Variants in NRXN1 observed in about 807,000 individuals in gnomAD.
The protein encoded by NRXN1 is neurexin-1.
A neutral mutation model predicts 150.9 loss-of-function variants in NRXN1; 39 were observed. The observed-to-expected ratio is 0.26, with a 90% CI of 0.20 to 0.34. The LOEUF is 0.34. NRXN1 is among the 10% of genes least tolerant of loss of function. The probability of loss-of-function intolerance (pLI) is 1.00; values close to 1 mark genes in which losing one functional copy is unlikely to be tolerated. For missense variants in NRXN1, 1,815 were observed against 1,949.9 expected (o/e 0.93, Z 1.30); for synonymous variants, 924 against 757.0 (o/e 1.22, Z -3.62).
chr2:50,115,240 T>TATATATATATATAC (rs1270800103), intron 18 of NRXN1, among the ~76,000 whole-genome samples: 16 of 133,966 alleles, frequency 1.2e-4, no homozygotes, highest in African/African-American at 2.2e-4. Flanking sequence ...TATATATATA[T>TATATATATATATAC]ACACACACAC....
chr2:50,334,192 A>ATTTTATACATATATATATATATATAT (rs1553457970), intron 17 of NRXN1, among the ~76,000 whole-genome samples: 1 of 118,982 alleles, frequency 8.4e-6, no homozygotes, highest in Admixed American at 7.7e-5. Context: ...ACCAGGACCA[A>ATTTTATACATATATATATATATATAT]ATATATATAT....
chr2:49,998,457 TA>T (rs1683360130), intron 21 of NRXN1, among the ~76,000 whole-genome samples: 1 of 152,190 alleles, frequency 6.6e-6, no homozygotes, highest in Admixed American at 6.5e-5. Context: ...GGTTGCTTTT[TA>T]TATTTTTTTA....
At chr2:50,793,327 A>T (rs1706328287) in intron 5 of NRXN1, among the ~76,000 whole-genome samples, 1 of 152,106 alleles carries the variant, frequency 6.6e-6, no homozygotes, top group African/African-American at 2.4e-5. Flanking sequence ...GGGCTTATAA[A>T]CAAGTCTTCC....
chr2:50,367,045 A>G (rs993152871), intron 17 of NRXN1, among the ~76,000 whole-genome samples: 3 of 152,062 alleles, frequency 2.0e-5, no homozygotes, highest in Admixed American at 6.6e-5. Context: ...GGCGTCTGGG[A>G]GAGACATTTA....
At chr2:49,951,803 CTAAT>C (rs1343054745) in intron 21 of NRXN1, among the ~76,000 whole-genome samples, 1 of 151,858 alleles carries the variant, frequency 6.6e-6, no homozygotes, top group Non-Finnish European at 1.5e-5. Context: ...GATTGGTGGA[CTAAT>C]TAATAGATTA....
intron 19 of NRXN1, among the ~76,000 whole-genome samples, chr2:50,074,969 A>G (rs1288612365): frequency 6.6e-6 from 1 of 152,212 alleles, no homozygotes; most frequent in East Asian, 1.9e-4. Context: ...GGTAAAGTTC[A>G]CAGTGTGAAA....
intron 18 of NRXN1, among the ~76,000 whole-genome samples, chr2:50,176,779 C>G (rs940102512): frequency 3.3e-5 from 5 of 151,916 alleles, no homozygotes; most frequent in Admixed American, 3.3e-4. Context: ...AGCAATACAC[C>G]CCTGGTCTTC....
chr2:49,965,234 G>A (rs1230659110), intron 21 of NRXN1, among the ~76,000 whole-genome samples: 1 of 151,720 alleles, frequency 6.6e-6, no homozygotes, highest in Non-Finnish European at 1.5e-5. Flanking sequence ...TCTGCCTAAG[G>A]TTTCTAATTA....
At chr2:50,181,242 T>A (rs1574357175) in intron 18 of NRXN1, among the ~76,000 whole-genome samples, 3 of 151,520 alleles carry the variant, frequency 2.0e-5, no homozygotes, top group Non-Finnish European at 2.9e-5. Flanking sequence ...ATGGTGAGTT[T>A]AAAAAAAACC....
chr2:50,183,854 T>A (rs752565986), intron 18 of NRXN1, among the ~76,000 whole-genome samples: 1 of 151,922 alleles, frequency 6.6e-6, no homozygotes, highest in Non-Finnish European at 1.5e-5. Context: ...TTACAGACTT[T>A]CTAAACCATG....
intron 5 of NRXN1, among the ~76,000 whole-genome samples, chr2:50,815,935 T>G (rs1348856032): frequency 6.6e-6 from 1 of 152,130 alleles, no homozygotes; most frequent in Non-Finnish European, 1.5e-5. Context: ...GTAAATAAAT[T>G]AGCTCATATT....
intron 17 of NRXN1, among the ~76,000 whole-genome samples, chr2:50,424,142 A>AGGG (rs1414205919): frequency 3.7e-5 from 3 of 80,748 alleles, no homozygotes; most frequent in African/African-American, 1.4e-4. Flanking sequence ...GAGGAGGAGG[A>AGGG]GGGGGGGAGG....
intron 5 of NRXN1, among the ~76,000 whole-genome samples, chr2:50,758,429 CA>C (rs751765107): frequency 1.4e-4 from 22 of 151,774 alleles, no homozygotes; most frequent in Non-Finnish European, 2.9e-4. Context: ...GAACAAGAAA[CA>C]AAGGCTGATT....
At chr2:50,584,166 G>A (rs1672723471) in intron 8 of NRXN1, among the ~76,000 whole-genome samples, 1 of 152,168 alleles carries the variant, frequency 6.6e-6, no homozygotes, top group Non-Finnish European at 1.5e-5. Flanking sequence ...AATTAGGAGA[G>A]AAATAATTTC....
intron 21 of NRXN1, among the ~76,000 whole-genome samples, chr2:49,988,655 T>C (rs1013867569): frequency 6.8e-6 from 1 of 148,006 alleles, no homozygotes; most frequent in African/African-American, 2.5e-5. Flanking sequence ...GAAGCCTGCC[T>C]ATTCACCTCT....
intron 5 of NRXN1, among the ~76,000 whole-genome samples, chr2:50,665,380 T>G (rs2104678514): frequency 6.6e-6 from 1 of 152,054 alleles, no homozygotes; most frequent in South Asian, 2.1e-4. Flanking sequence ...CAACCAGAAT[T>G]AACTTATTTC....
At chr2:50,183,427 G>A (rs930122117) in intron 18 of NRXN1, among the ~76,000 whole-genome samples, 31 of 150,974 alleles carry the variant, frequency 2.1e-4, no homozygotes, top group Non-Finnish European at 5.9e-5. Context: ...GATTTGGGGA[G>A]TTTTTTTTTA....
rs1704631329 is a variant in NRXN1, at chr2:50,783,492, CATAG to C, written c.832+138373_832+138376del. Reference sequence around the variant, plus strand: ...ATGTCCTCAGAGAATAAAACAAAATCATAGATCAGGGTATTCTTTTTATTTTGTC... The same window carrying C: ...ATGTCCTCAGAGAATAAAACAAAATCATCAGGGTATTCTTTTTATTTTGTC... On this transcript the variant is annotated intron_variant, in intron 5 of 22. Transcript: ENST00000401669. 3.3e-5 allele frequency among the ~76,000 whole-genome samples: 5 copies of C among 152,186 alleles called. No homozygotes were observed. The South Asian group carries it at 1.0e-3, about 32-fold the overall frequency.
At chr2:49,959,569 T>A (rs1354437215) in intron 21 of NRXN1, among the ~76,000 whole-genome samples, 1 of 152,166 alleles carries the variant, frequency 6.6e-6, no homozygotes, top group Non-Finnish European at 1.5e-5. Flanking sequence ...GGCATTGGAG[T>A]CAGACTTACC....
Sources: gnomAD v4.1 joint callset for allele counts (sites outside exome capture counted in the v4.1 genomes callset) on GRCh38, gnomAD v4.1.1 for gene constraint, MANE v1.5 for transcripts, NCBI Gene and HGNC (gene_info 2026-07-23, HGNC 2026-07-21) for gene names.